EBP: variants seen among roughly 807,000 people sequenced by gnomAD.
EBP encodes the protein 3-beta-hydroxysteroid-Delta(8),Delta(7)-isomerase.
In EBP, 1 loss-of-function variant was observed where a neutral mutation model predicts 14.1. The ratio of observed to expected loss-of-function variants is 0.07; its 90% CI spans 0.03 to 0.34. EBP has a LOEUF of 0.34. EBP is among the 10% of genes least tolerant of loss of function. The probability of loss-of-function intolerance (pLI) is 0.99; values close to 1 mark genes in which losing one functional copy is unlikely to be tolerated. For missense variants in EBP, 123 were observed against 184.6 expected (o/e 0.67, Z 1.93); for synonymous variants, 72 against 77.7 (o/e 0.93, Z 0.38).
chrX:48,523,725 T>A lies in EBP; in HGVS notation c.-47T>A, dbSNP rs782408352. 9.3e-7 allele frequency: 1 copy of A among 1,069,872 alleles called. No individual in the cohort carries two copies. The highest frequency in any genetic ancestry group is 3.3e-5 in the East Asian group (1 of 30,205). The allele number at this position is 1,069,872 out of a possible 1,213,427, so 88.2% of individuals were successfully genotyped here. ...TTTTTCTGTTCCTTTTTTTTTTTTT[T>A]TTTTAACTTCCTGCCTATACACACG... On this transcript the variant is annotated 5_prime_UTR_variant, in exon 2 of 5. Coordinates refer to ENST00000495186, the MANE Select transcript of EBP (RefSeq NM_006579.3).
intron 2 of EBP, among the ~76,000 whole-genome samples, chrX:48,525,419 T>C (rs1352079125): frequency 2.7e-5 from 3 of 111,344 alleles, no homozygotes; most frequent in Non-Finnish European, 3.8e-5. Flanking sequence ...CAGGCTAGAG[T>C]GCAGTGGCAT....
At chrX:48,527,691 C>T (rs2061783454) in intron 4 of EBP, 1 of 174,815 alleles carries the variant, frequency 5.7e-6, no homozygotes, top group Non-Finnish European at 1.1e-5. Flanking sequence ...CTGCAACCTC[C>T]ACCTCCCAGA....
At position 48,524,033 on chromosome X, in the gene EBP, G is replaced by C. The variant is rs782807455; in HGVS notation, c.262G>C (p.Glu88Gln). ...CGAGGGCTGGTTCGTTCTCTACTAC[G>C]AAGACCTGCTTGGAGACCAAGCCTT... ...VIEGWFVLYY[E>Q]DLLGDQAFLS... Residue 88 changes from glutamate (E) to glutamine (Q), a missense_variant, in exon 2 of 5, where the codon GAA (glutamate) becomes CAA (glutamine). Coordinates refer to ENST00000495186, the MANE Select transcript of EBP (RefSeq NM_006579.3). 5 of 1,211,546 alleles carry C rather than the reference G, an allele frequency of 4.1e-6. No homozygotes were observed. The East Asian group carries it at 1.5e-4, about 36-fold the overall frequency.
intron 3 of EBP, 46 bp downstream of exon 3, chrX:48,527,071 G>C (rs782002953): frequency 1.7e-6 from 2 of 1,211,281 alleles, no homozygotes; most frequent in Non-Finnish European, 2.2e-6. Flanking sequence ...GGTTTTCGGG[G>C]GGTGGTGAGT....
intron 2 of EBP, among the ~76,000 whole-genome samples, chrX:48,525,911 A>G (rs782002874): frequency 2.0e-4 from 22 of 107,586 alleles, no homozygotes; most frequent in Non-Finnish European, 3.8e-4. Flanking sequence ...ACATAGTGAA[A>G]CCCCGTCTCT....
At chrX:48,525,560 T>A (rs1248365659) in intron 2 of EBP, among the ~76,000 whole-genome samples, 1 of 108,634 alleles carries the variant, frequency 9.2e-6, no homozygotes, top group Non-Finnish European at 1.9e-5. Flanking sequence ...CTTTTTTTTT[T>A]AAGAGATGGC....
At chrX:48,525,240 G>A (rs781808904) in intron 2 of EBP, among the ~76,000 whole-genome samples, 3 of 112,302 alleles carry the variant, frequency 2.7e-5, no homozygotes, top group Non-Finnish European at 5.6e-5. Context: ...GGCAAACAGT[G>A]GTTGCCATGT....
intron 1 of EBP, 144 bp downstream of exon 1, chrX:48,522,051 A>G (rs782804345): frequency 6.7e-5 from 6 of 89,051 alleles, no homozygotes; most frequent in Admixed American, 5.0e-4. Flanking sequence ...CAGCTACCGC[A>G]CGGTTGTCCA....
chrX:48,522,472 C>T (rs1372618848), intron 1 of EBP, among the ~76,000 whole-genome samples: 2 of 111,281 alleles, frequency 1.8e-5, no homozygotes, highest in African/African-American at 6.5e-5. Context: ...GACACCAGGC[C>T]TGGTCCTGTA....
Position 48,528,528 on chromosome X carries a change from T to G in EBP, c.*71T>G. ...GCCTGCCAGAAGAGTCTAGTCCTGCTCCCACAGTTTGGAGGGACAAAGCTA... is the reference window on the plus strand; with the variant it reads ...GCCTGCCAGAAGAGTCTAGTCCTGCGCCCACAGTTTGGAGGGACAAAGCTA... On this transcript the variant is annotated 3_prime_UTR_variant, in exon 5 of 5. Coordinates refer to ENST00000495186, the MANE Select transcript of EBP (RefSeq NM_006579.3). The G allele has an allele frequency of 3.1e-6, 3 of 965,976 alleles. No homozygotes were observed. The highest frequency in any genetic ancestry group is 4.3e-6 in the Non-Finnish European group (3 of 698,509). 79.6% of individuals were successfully genotyped at this position (965,976 alleles called of 1,213,427 possible). A position where few individuals can be genotyped will look rare whatever the true frequency, so the allele number is the denominator to read the frequency against.
At position 48,528,283 on chromosome X, in the gene EBP, A is replaced by T. The variant is rs1397715675; in HGVS notation, c.519A>T (p.Gly173=). The T allele has an allele frequency of 8.3e-7, 1 of 1,209,996 alleles. No individual in the cohort carries two copies. Among genetic ancestry groups the T allele is most frequent in the Non-Finnish European group, 1.1e-6 (1 of 895,289 alleles). ...VLYFLTEHRD[G]FQHGELGHPL... ...ACTTCCTGACAGAGCACCGCGACGG[A>T]TTCCAGCACGGAGAGCTGGGCCACC... The change falls in exon 5 of 5, where the codon GGA becomes GGT. Residue 173 remains glycine, a synonymous_variant. Transcript: ENST00000495186.
intron 2 of EBP, among the ~76,000 whole-genome samples, chrX:48,525,412 G>A (rs1200319891): frequency 9.0e-6 from 1 of 111,219 alleles, no homozygotes; most frequent in Non-Finnish European, 1.9e-5. Context: ...TGTCACCCAG[G>A]CTAGAGTGCA....
rs905580892 is a variant in EBP, at chrX:48,527,023, C to T, written c.336C>T (p.Ile112=). The T allele has an allele frequency of 2.5e-6, 3 of 1,211,720 alleles. No homozygotes were observed. Among genetic ancestry groups the T allele is most frequent in the Admixed American group, 2.2e-5 (1 of 46,031 alleles). The change falls in exon 3 of 5, where the codon ATC becomes ATT. Residue 112 remains isoleucine (I), a splice_region_variant and synonymous_variant. Transcript: ENST00000495186. ...KEYAKGDSRY[I]LGDNFTVCME... ...ATGCCAAGGGAGACAGCCGATACAT[C>T]CTGTAAGTGTTTGCCTCTGTCAATG...
intron 2 of EBP, 81 bp from the exon 3 acceptor site, chrX:48,526,908 C>A (rs2061780739): frequency 9.0e-7 from 1 of 1,107,937 alleles, no homozygotes. Context: ...AGTCTGTCTT[C>A]TTGCAGGGAC....
intron 4 of EBP, 191 bp downstream of exon 4, chrX:48,527,476 G>A: frequency 1.5e-6 from 1 of 649,883 alleles, no homozygotes; most frequent in South Asian, 2.9e-5. Context: ...AGGTGGGGAG[G>A]GTTCATTTTT....
chrX:48,522,387 T>A, intron 1 of EBP: 1 of 112,092 alleles, frequency 8.9e-6, no homozygotes, highest in Middle Eastern at 4.6e-3. Flanking sequence ...GGTTCCTGTG[T>A]CTCTTACCAA....
intron 4 of EBP, chrX:48,527,488 T>TTCC (rs1556977639): frequency 1.8e-6 from 1 of 569,381 alleles, no homozygotes; most frequent in East Asian, 3.7e-5. Flanking sequence ...TTCATTTTTC[T>TTCC]TCCTCCTCCT....
chrX:48,524,044 T>G lies in EBP; in HGVS notation c.273T>G (p.Leu91=). 8.3e-7 allele frequency: 1 copy of G among 1,211,872 alleles called. No homozygotes were observed. The highest frequency in any genetic ancestry group is 1.1e-6 in the Non-Finnish European group (1 of 895,542). ...GWFVLYYEDL[L]GDQAFLSQLW... is the part of the protein sequence containing the mutation. ...TCGTTCTCTACTACGAAGACCTGCT[T>G]GGAGACCAAGCCTTCTTATCTCAAC... The change falls in exon 2 of 5, where the codon CTT becomes CTG. Residue 91 remains leucine, a synonymous_variant. Transcript: ENST00000495186.
intron 2 of EBP, 168 bp from the exon 3 acceptor site, chrX:48,526,821 T>C: frequency 3.7e-6 from 2 of 547,060 alleles, no homozygotes; most frequent in Non-Finnish European, 6.3e-6. Context: ...TACCTTGTTT[T>C]AGAGAAATAA....
Sources: allele counts gnomAD v4.1 joint callset (sites outside exome capture counted in the v4.1 genomes callset), GRCh38; gene constraint gnomAD v4.1.1; transcripts MANE v1.5; gene names NCBI Gene and HGNC (gene_info 2026-07-23, HGNC 2026-07-21).